The following HS6ST2 variants were observed in gnomAD, a reference collection of about 807,000 sequenced individuals.
HS6ST2 encodes the protein heparan sulfate 6-O-sulfotransferase 2, also known as heparan-sulfate 6-O-sulfotransferase 2.
A neutral mutation model predicts 33.0 loss-of-function variants in HS6ST2; 17 were observed. That is an observed-to-expected ratio of 0.52 (90% CI 0.35 to 0.77). The LOEUF (loss-of-function observed/expected upper bound fraction) is 0.77, where lower values mean the gene tolerates loss of function less well. Among genes scored for constraint, HS6ST2 ranks in the 30% least tolerant of loss-of-function variants. HS6ST2 has a pLI of 0.01. For missense variants in HS6ST2, 519 were observed against 551.7 expected, an observed-to-expected ratio of 0.94 and a Z score of 0.59; for synonymous variants, 248 against 237.1, an observed-to-expected ratio of 1.05 and a Z score of -0.42.
At chrX:132,680,615 G>A (rs1302995454) in intron 3 of HS6ST2, among the ~76,000 whole-genome samples, 1 of 111,276 alleles carries the variant, frequency 9.0e-6, no homozygotes, top group Non-Finnish European at 1.9e-5. Context: ...GGGACAGTGG[G>A]CTCAAAGGAG....
At chrX:132,855,347 T>C (rs1270435171) in intron 2 of HS6ST2, among the ~76,000 whole-genome samples, 1 of 112,353 alleles carries the variant, frequency 8.9e-6, no homozygotes, top group African/African-American at 3.2e-5. Flanking sequence ...TATGCCTATT[T>C]TAAGATAATG....
chrX:132,960,353 C>G, upstream of HS6ST2, among the ~76,000 whole-genome samples: 3 of 110,720 alleles, frequency 2.7e-5, no homozygotes, highest in South Asian at 1.2e-3. Context: ...ATAGGTGGCT[C>G]TCCTCATGGT....
intron 2 of HS6ST2, among the ~76,000 whole-genome samples, chrX:132,823,094 T>C (rs2065475893): frequency 8.9e-6 from 1 of 112,279 alleles, no homozygotes; most frequent in Non-Finnish European, 1.9e-5. Context: ...TAAAAAAGTT[T>C]GAAAGCTGTA....
intron 2 of HS6ST2, among the ~76,000 whole-genome samples, chrX:132,727,241 G>C (rs771854998): frequency 2.9e-5 from 3 of 102,049 alleles, no homozygotes; most frequent in Non-Finnish European, 4.0e-5. Context: ...ATTATTGGGG[G>C]GGGGGGCATA....
chrX:132,921,237 G>A (rs1246602390), intron 2 of HS6ST2, among the ~76,000 whole-genome samples: 3 of 112,006 alleles, frequency 2.7e-5, no homozygotes, highest in Non-Finnish European at 5.6e-5. Context: ...GTAGTCTGCA[G>A]ACCAACAGCA....
intron 2 of HS6ST2, among the ~76,000 whole-genome samples, chrX:132,913,146 C>A (rs2066550492): frequency 9.0e-6 from 1 of 111,324 alleles, no homozygotes; most frequent in Non-Finnish European, 1.9e-5. Context: ...TCTCCTCACA[C>A]TTCAGTTGTC....
chrX:132,871,114 G>A (rs187958210), intron 2 of HS6ST2, among the ~76,000 whole-genome samples: 4 of 111,907 alleles, frequency 3.6e-5, no homozygotes, highest in Admixed American at 9.5e-5. Context: ...GTGGGTGAAG[G>A]ATATGAACAA....
intron 2 of HS6ST2, among the ~76,000 whole-genome samples, chrX:132,805,025 C>G (rs1602696343): frequency 1.8e-5 from 2 of 111,236 alleles, no homozygotes; most frequent in African/African-American, 6.5e-5. Flanking sequence ...CTGCCACTGT[C>G]CACAGATGTT....
chrX:132,693,894 T>C (rs2064084948), intron 3 of HS6ST2, among the ~76,000 whole-genome samples: 1 of 112,093 alleles, frequency 8.9e-6, no homozygotes, highest in African/African-American at 3.2e-5. Context: ...AAATCACATG[T>C]ACAGCACCAT....
chrX:132,787,155 G>GTATA (rs1183583262), intron 2 of HS6ST2, among the ~76,000 whole-genome samples: 2 of 57,479 alleles, frequency 3.5e-5, no homozygotes, highest in Non-Finnish European at 3.2e-5. Context: ...GTGTGTGTGT[G>GTATA]TATATATATA....
intron 2 of HS6ST2, among the ~76,000 whole-genome samples, chrX:132,808,103 C>T (rs937118428): frequency 3.6e-5 from 4 of 111,598 alleles, no homozygotes; most frequent in Non-Finnish European, 7.5e-5. Context: ...TCTCTAAAAT[C>T]CCTGTTCCAG....
At chrX:132,684,770 A>G (rs2064002819) in intron 3 of HS6ST2, among the ~76,000 whole-genome samples, 1 of 111,758 alleles carries the variant, frequency 8.9e-6, no homozygotes, top group Non-Finnish European at 1.9e-5. Flanking sequence ...GGCTGCAAAG[A>G]AGCACTCTGA....
At chrX:132,755,153 T>C (rs966662770) in intron 2 of HS6ST2, among the ~76,000 whole-genome samples, 8 of 112,587 alleles carry the variant, frequency 7.1e-5, no homozygotes, top group Admixed American at 1.9e-4. Context: ...CTATCATCCA[T>C]TTATTTAACC....
chrX:132,784,953 C>T (rs189070106), intron 2 of HS6ST2, among the ~76,000 whole-genome samples: 2 of 111,802 alleles, frequency 1.8e-5, no homozygotes, highest in Non-Finnish European at 3.8e-5. Flanking sequence ...TCTACCTCGT[C>T]CTTGGTTCGG....
rs1228020910 is a variant in HS6ST2, at chrX:132,873,393, T to A, written c.947+83415A>T. Among the ~76,000 whole-genome samples the A allele has an allele frequency of 4.5e-5, 5 of 111,956 alleles. No individual in the cohort carries two copies. In the East Asian group the frequency reaches 1.4e-3, roughly 32 times the overall value. The stretch of plus-strand genomic sequence containing the variant: ...TGCATCTATCTTAATATCATGTTAT[T>A]CCAGAGCCCTCCTTCCCAGCAATTT... On this transcript the variant is annotated intron_variant, in intron 2 of 4. Coordinates refer to ENST00000370833, the MANE Select transcript of HS6ST2 (RefSeq NM_001394073.1).
At chrX:132,780,807 C>T (rs931724212) in intron 2 of HS6ST2, among the ~76,000 whole-genome samples, 20 of 111,809 alleles carry the variant, frequency 1.8e-4, no homozygotes, top group African/African-American at 6.2e-4. Flanking sequence ...GCTGCTACTC[C>T]GAGCCCCCAG....
chrX:132,899,211 C>A (rs764497077), intron 2 of HS6ST2, among the ~76,000 whole-genome samples: 8 of 111,565 alleles, frequency 7.2e-5, no homozygotes, highest in Admixed American at 4.8e-4. Context: ...AAGCACCCAA[C>A]AATATAAAAT....
rs1354012279 is a variant in HS6ST2, at chrX:132,787,204, T to C, written c.948-78710A>G. The stretch of plus-strand genomic sequence containing the variant: ...ATATATATACATATATATATACACA[T>C]ATATATATACACATATATATATACA... On this transcript the variant is annotated intron_variant, in intron 2 of 4. Coordinates refer to ENST00000370833, the MANE Select transcript of HS6ST2 (RefSeq NM_001394073.1). Among the ~76,000 whole-genome samples the C allele has an allele frequency of 6.8e-3, 580 of 85,227 alleles. 6 individuals carry two copies. Among genetic ancestry groups the C allele is most frequent in the Non-Finnish European group, 0.01 (466 of 45,990 alleles). The allele number at this position is 85,227 out of a possible 115,157, so 74.0% of individuals were successfully genotyped here.
Position 132,628,886 on chromosome X carries a change from T to C in HS6ST2, c.1275A>G (p.Leu425=). Residue 425 remains leucine (L), a synonymous_variant, in exon 5 of 5, where the codon CTA becomes CTG. Transcript: ENST00000370833. ...GCATGCGCACCTGGCGGTTGTTGGCTAGATTGTAGGGACAGTCCATAAACT... is the reference window on the plus strand; with the variant it reads ...GCATGCGCACCTGGCGGTTGTTGGCCAGATTGTAGGGACAGTCCATAAACT... ...LKEFMDCPYN[L]ANNRQVRMLS... is the part of the protein sequence containing the mutation. The C allele has an allele frequency of 2.5e-6, 3 of 1,211,698 alleles. No individual in the cohort carries two copies. The highest frequency in any genetic ancestry group is 3.4e-6 in the Non-Finnish European group (3 of 895,434).
Sources: allele counts gnomAD v4.1 joint callset (sites outside exome capture counted in the v4.1 genomes callset), GRCh38; gene constraint gnomAD v4.1.1; transcripts MANE v1.5; gene names NCBI Gene and HGNC (gene_info 2026-07-23, HGNC 2026-07-21).